Variants in CAT observed in about 807,000 individuals in gnomAD.
CAT encodes the protein catalase, also known as epididymis secretory sperm binding protein.
Under a neutral mutation model 59.0 loss-of-function variants are expected in CAT, and 43 were observed. That is an observed-to-expected ratio of 0.73 (90% CI 0.57 to 0.94). The LOEUF is 0.94. CAT is among the 40% of genes least tolerant of loss of function. The pLI is 0.00. For synonymous variants in CAT, 218 were observed against 230.9 expected, an observed-to-expected ratio of 0.94 and a Z score of 0.51; for missense variants, 664 against 682.9, an observed-to-expected ratio of 0.97 and a Z score of 0.31.
At chr11:34,448,855 A>G (rs1052457467) in intron 1 of CAT, among the ~76,000 whole-genome samples, 1 of 152,170 alleles carries the variant, frequency 6.6e-6, no homozygotes, top group Non-Finnish European at 1.5e-5. Flanking sequence ...TTAAGCTTGT[A>G]GGACGCTTTT....
chr11:34,447,860 T>C (rs1445823834), intron 1 of CAT, among the ~76,000 whole-genome samples: 1 of 152,202 alleles, frequency 6.6e-6, no homozygotes, highest in African/African-American at 2.4e-5. Flanking sequence ...AATAAGTAAC[T>C]TACCAGCAGC....
rs768958928 is a variant in CAT at position 34,451,016 on chromosome 11, T to C, written c.267T>C (p.His89=). 2.5e-6 allele frequency: 4 copies of C among 1,613,412 alleles called. No homozygotes were observed. The highest frequency in any genetic ancestry group is 2.7e-5 in the African/African-American group (2 of 74,910). Residue 89 remains histidine, a synonymous_variant, in exon 3 of 13, where the codon CAT becomes CAC. Coordinates refer to ENST00000241052, the MANE Select transcript of CAT (RefSeq NM_001752.4). The part of the protein sequence containing the change: ...AGAFGYFEVT[H]DITKYSKAKV... ...CCTTTGGCTACTTTGAGGTCACACA[T>C]GACATTACCAAATACTCCAAGGCAA... is the stretch of plus-strand genomic sequence containing the variant.
chr11:34,447,554 T>C (rs900903991), intron 1 of CAT, among the ~76,000 whole-genome samples: 1 of 152,208 alleles, frequency 6.6e-6, no homozygotes, highest in Non-Finnish European at 1.5e-5. Context: ...TAAGTGTTGA[T>C]TGGACCCTTA....
At chr11:34,449,418 G>A in intron 2 of CAT, 55 bp downstream of exon 2, 3 of 1,494,930 alleles carry the variant, frequency 2.0e-6, no homozygotes, top group African/African-American at 1.4e-5. Flanking sequence ...CCTGGGTCAA[G>A]TGTTATTTCC....
chr11:34,456,141 TCC>T lies in CAT; in HGVS notation c.843_844del (p.Gln282GlyfsTer5). On this transcript the variant is annotated frameshift_variant, in exon 7 of 13. Coordinates refer to ENST00000241052, the MANE Select transcript of CAT (RefSeq NM_001752.4). LOFTEE classifies it high-confidence loss of function. ...AAGTACCCCTCCTGGACTTTTTACA[TCC>T]AGGTCATGACATTTAATCAGGCAGA... 6.2e-7 allele frequency: 1 copy of T among 1,614,076 alleles called. No individual in the cohort carries two copies. The highest frequency in any genetic ancestry group is 8.5e-7 in the Non-Finnish European group (1 of 1,179,962).
intron 7 of CAT, among the ~76,000 whole-genome samples, 192 bp downstream of exon 7, chr11:34,456,394 A>G (rs1246794653): frequency 6.6e-6 from 1 of 152,170 alleles, no homozygotes; most frequent in East Asian, 1.9e-4. Flanking sequence ...TTGTCATTTC[A>G]TTGAGTATGT....
chr11:34,461,301 T>A lies in CAT; in HGVS notation c.1107T>A (p.Asn369Lys), dbSNP rs1457267710. 6.2e-7 allele frequency: 1 copy of A among 1,614,204 alleles called. No homozygotes were observed. Among genetic ancestry groups the A allele is most frequent in the Non-Finnish European group, 8.5e-7 (1 of 1,180,014 alleles). Residue 369 changes from asparagine (N) to lysine (K), a missense_variant, in exon 9 of 13, where the codon AAT becomes AAA. Physicochemically the swap from Asn to Lys is moderately conservative, Grantham distance 94 (BLOSUM62 0). Coordinates refer to ENST00000241052, the MANE Select transcript of CAT (RefSeq NM_001752.4). ...PDTHRHRLGPNYLHIPVNCPY... is the reference protein window; with the variant it reads ...PDTHRHRLGPKYLHIPVNCPY... ...CTCACCGCCATCGCCTGGGACCCAATTATCTTCATATACCTGTGAACTGTC... is the reference window on the plus strand; with the variant it reads ...CTCACCGCCATCGCCTGGGACCCAAATATCTTCATATACCTGTGAACTGTC...
At chr11:34,448,403 G>GACCATGGA (rs1241269447) in intron 1 of CAT, among the ~76,000 whole-genome samples, 2 of 152,192 alleles carry the variant, frequency 1.3e-5, no homozygotes, top group Non-Finnish European at 2.9e-5. Flanking sequence ...AGTATTCTCT[G>GACCATGGA]ACCATGGAAC....
Position 34,439,053 on chromosome 11 carries a change from C to T in CAT, c.40C>T (p.His14Tyr). Residue 14 changes from histidine to tyrosine, a missense_variant, in exon 1 of 13, where the codon CAC becomes TAC. His to Tyr is a moderately conservative substitution (Grantham distance 83). Coordinates refer to ENST00000241052, the MANE Select transcript of CAT (RefSeq NM_001752.4). ...SRDPASDQMQ[H>Y]WKEQRAAQKA... ...GGATCCCGCCAGCGACCAGATGCAG[C>T]ACTGGAAGGAGCAGCGGGCCGCGCA... 6.3e-7 allele frequency: 1 copy of T among 1,599,216 alleles called. No individual in the cohort carries two copies. Among genetic ancestry groups the T allele is most frequent in the Non-Finnish European group, 8.5e-7 (1 of 1,173,042 alleles).
intron 11 of CAT, 182 bp from the exon 12 acceptor site, chr11:34,470,776 C>CA (rs1212806064): frequency 1.4e-6 from 1 of 693,898 alleles, no homozygotes; most frequent in South Asian, 1.5e-5. Context: ...CAGTATATGT[C>CA]AGAGTGTTCA....
chr11:34,441,204 A>G (rs765477709), intron 1 of CAT, among the ~76,000 whole-genome samples: 12 of 152,238 alleles, frequency 7.9e-5, no homozygotes, highest in Middle Eastern at 3.2e-3. Flanking sequence ...CTTATAGCCT[A>G]TATAATTTTC....
intron 1 of CAT, among the ~76,000 whole-genome samples, chr11:34,442,921 T>C (rs1856408223): frequency 6.6e-6 from 1 of 152,224 alleles, no homozygotes; most frequent in Non-Finnish European, 1.5e-5. Flanking sequence ...TCTACTATAT[T>C]ATCCAAAGCG....
intron 3 of CAT, 23 bp downstream of exon 3, chr11:34,451,121 T>C (rs1014564752): frequency 3.8e-6 from 5 of 1,322,290 alleles, no homozygotes; most frequent in Non-Finnish European, 5.5e-6. Context: ...ATTGGCGTGA[T>C]TGGTATGGCT....
intron 10 of CAT, 142 bp downstream of exon 10, chr11:34,464,377 A>AT (rs1856689392): frequency 4.4e-6 from 4 of 905,766 alleles, no homozygotes; most frequent in Non-Finnish European, 7.2e-6. Flanking sequence ...GTAATAGTAA[A>AT]TTGGGCCCCT....
chr11:34,441,481 A>T (rs1157920836), intron 1 of CAT, among the ~76,000 whole-genome samples: 1 of 152,166 alleles, frequency 6.6e-6, no homozygotes, highest in African/African-American at 2.4e-5. Context: ...TGGGCTATTT[A>T]ATTTTTTTTC....
In CAT at chr11:34,446,818, C is replaced by A. The variant is rs190548590; in HGVS notation, c.67-2374C>A. 1.8e-4 allele frequency among the ~76,000 whole-genome samples: 27 copies of A among 151,966 alleles called. 1 individual carries two copies. The highest frequency in any genetic ancestry group is 6.8e-3 in the Middle Eastern group (2 of 292). On this transcript the variant is annotated intron_variant, in intron 1 of 12. Transcript: ENST00000241052. ...GTGCAATGGCACGATCTCAGCTCAC[C>A]GCAACCTCCGCCTGCTGGGTTCAAG...
chr11:34,468,972 G>A (rs1363990799), intron 11 of CAT, among the ~76,000 whole-genome samples: 1 of 152,100 alleles, frequency 6.6e-6, no homozygotes, highest in Non-Finnish European at 1.5e-5. Flanking sequence ...ATAATACCTC[G>A]ATCCTCCTTC....
chr11:34,468,615 G>A, intron 11 of CAT: 1 of 599,656 alleles, frequency 1.7e-6, no homozygotes, highest in Non-Finnish European at 3.0e-6. Context: ...TTTGTCCAGT[G>A]TGTACTAATT....
intron 2 of CAT, 35 bp from the exon 3 acceptor site, chr11:34,450,953 T>C (rs1336924705): frequency 2.2e-6 from 3 of 1,372,340 alleles, no homozygotes; most frequent in South Asian, 2.3e-5. Context: ...TGAGTAATGG[T>C]CTCATGGTAA....
Sources: gnomAD v4.1 joint callset for allele counts (sites outside exome capture counted in the v4.1 genomes callset) on GRCh38, gnomAD v4.1.1 for gene constraint, MANE v1.5 for transcripts, NCBI Gene and HGNC (gene_info 2026-07-23, HGNC 2026-07-21) for gene names.